PRKN: variants seen among roughly 807,000 people sequenced by gnomAD.
PRKN encodes the protein E3 ubiquitin-protein ligase parkin.
PRKN carries 56 observed loss-of-function variants against 59.5 expected under a neutral mutation model. That is an observed-to-expected ratio of 0.94 (90% CI 0.76 to 1.18). PRKN has a LOEUF of 1.18. PRKN is among the 50% of genes most tolerant of loss of function. PRKN has a pLI of 0.00. For synonymous variants in PRKN, 250 were observed against 222.1 expected (o/e 1.13, Z -1.12); for missense variants, 657 against 596.4 (o/e 1.10, Z -1.06).
intron 7 of PRKN, among the ~76,000 whole-genome samples, chr6:161,693,747 A>G (rs1195364781): frequency 1.3e-5 from 2 of 152,258 alleles, no homozygotes; most frequent in African/African-American, 4.8e-5. Flanking sequence ...TTTTGGAAAT[A>G]CTAATATACA....
At chr6:161,649,518 T>C (rs1287449820) in intron 7 of PRKN, among the ~76,000 whole-genome samples, 1 of 152,232 alleles carries the variant, frequency 6.6e-6, no homozygotes, top group Admixed American at 6.5e-5. Context: ...ATTTGGGACA[T>C]ACTTCTTAAG....
chr6:161,365,481 A>G (rs1785163181), intron 10 of PRKN, among the ~76,000 whole-genome samples: 1 of 152,238 alleles, frequency 6.6e-6, no homozygotes, highest in African/African-American at 2.4e-5. Flanking sequence ...CAAGAGAAAG[A>G]TTCAGAGCTC....
chr6:162,005,895 C>T (rs1041199376), intron 5 of PRKN, among the ~76,000 whole-genome samples: 1 of 151,504 alleles, frequency 6.6e-6, no homozygotes, highest in Non-Finnish European at 1.5e-5. Context: ...AATCTGAGTC[C>T]AACACTTGTA....
intron 6 of PRKN, among the ~76,000 whole-genome samples, chr6:161,827,933 TACTA>T (rs756003955): frequency 8.5e-5 from 13 of 152,258 alleles, no homozygotes; most frequent in Non-Finnish European, 1.3e-4. Context: ...CAACCAAGTT[TACTA>T]ACTGACTTTG....
intron 7 of PRKN, among the ~76,000 whole-genome samples, chr6:161,762,856 A>C (rs1229776200): frequency 6.6e-6 from 1 of 152,224 alleles, no homozygotes; most frequent in East Asian, 1.9e-4. Context: ...GTTTTCAATT[A>C]TCTTTCCTTT....
chr6:161,543,258 T>C (rs1349216826), intron 9 of PRKN, among the ~76,000 whole-genome samples: 1 of 152,236 alleles, frequency 6.6e-6, no homozygotes, highest in Non-Finnish European at 1.5e-5. Context: ...GCTGTTGTGA[T>C]AAGTCGTTCA....
At chr6:162,595,160 C>T (rs927607831) in intron 1 of PRKN, among the ~76,000 whole-genome samples, 5 of 152,044 alleles carry the variant, frequency 3.3e-5, no homozygotes, top group East Asian at 1.9e-4. Flanking sequence ...GGTAACAGAG[C>T]GAGATTCTGT....
intron 1 of PRKN, among the ~76,000 whole-genome samples, chr6:162,545,556 C>T (rs1381544269): frequency 6.6e-6 from 1 of 152,084 alleles, no homozygotes; most frequent in Non-Finnish European, 1.5e-5. Context: ...TTTAAGCATG[C>T]TTGATACAGC....
chr6:162,001,076 T>C (rs887707453), intron 5 of PRKN, among the ~76,000 whole-genome samples: 2 of 152,074 alleles, frequency 1.3e-5, no homozygotes, highest in African/African-American at 4.8e-5. Context: ...AATTGGATAG[T>C]GTCAGTCCTC....
intron 5 of PRKN, among the ~76,000 whole-genome samples, chr6:162,037,516 G>A (rs955239715): frequency 2.0e-5 from 3 of 151,950 alleles, no homozygotes; most frequent in African/African-American, 7.2e-5. Flanking sequence ...ATCTCCAGGC[G>A]GTTTGATTCA....
intron 7 of PRKN, among the ~76,000 whole-genome samples, chr6:161,616,450 T>C (rs371828166): frequency 6.6e-6 from 1 of 151,852 alleles, no homozygotes; most frequent in African/African-American, 2.4e-5. Flanking sequence ...CTGGGATACA[T>C]GTGCAGAACA....
chr6:162,139,424 G>A (rs1583089164), intron 4 of PRKN, among the ~76,000 whole-genome samples: 1 of 152,144 alleles, frequency 6.6e-6, no homozygotes, highest in East Asian at 1.9e-4. Flanking sequence ...AACAAGTGAC[G>A]TGACACAGAA....
chr6:162,406,704 C>CTA (rs1788091458), intron 2 of PRKN, among the ~76,000 whole-genome samples: 1 of 152,158 alleles, frequency 6.6e-6, no homozygotes, highest in Non-Finnish European at 1.5e-5. Flanking sequence ...TAGGAGCGCA[C>CTA]TATCCACCAT....
chr6:162,472,066 C>T (rs1368787394), intron 1 of PRKN, among the ~76,000 whole-genome samples: 1 of 152,092 alleles, frequency 6.6e-6, no homozygotes, highest in Non-Finnish European at 1.5e-5. Context: ...CTGGGGAACG[C>T]TTTGTGGATG....
intron 6 of PRKN, among the ~76,000 whole-genome samples, chr6:161,950,755 A>T (rs979599923): frequency 4.6e-5 from 7 of 152,106 alleles, no homozygotes; most frequent in African/African-American, 1.7e-4. Flanking sequence ...TTAAATATTT[A>T]CACAAAATGC....
intron 2 of PRKN, among the ~76,000 whole-genome samples, chr6:162,335,323 T>A (rs1783791848): frequency 6.6e-6 from 1 of 152,144 alleles, no homozygotes; most frequent in Non-Finnish European, 1.5e-5. Flanking sequence ...ACTACAGGCA[T>A]GGGCCACTGC....
chr6:161,727,709 G>C (rs1216099224), intron 7 of PRKN, among the ~76,000 whole-genome samples: 1 of 152,150 alleles, frequency 6.6e-6, no homozygotes, highest in Non-Finnish European at 1.5e-5. Context: ...ACAGGCATCA[G>C]AACACAGGAC....
intron 3 of PRKN, chr6:162,262,311 T>G (rs1473576290): frequency 6.2e-6 from 4 of 649,222 alleles, no homozygotes; most frequent in Admixed American, 4.4e-5. Flanking sequence ...TTAATCTCAA[T>G]ATGAAAACCT....
rs576974301 is a variant in PRKN, at chr6:162,603,552, C to T, written c.7+124110G>A. Among the ~76,000 whole-genome samples, 16 of 152,308 alleles carry T rather than the reference C, an allele frequency of 1.1e-4. No homozygotes were observed. The East Asian group carries it at 2.1e-3, about 20-fold the overall frequency. On this transcript the variant is annotated intron_variant, in intron 1 of 11. Transcript: ENST00000366898. ...CCCCCAAAGCTGAAAATATTTACCA[C>T]GTATCCCTTACCAAAACACATGCAG...
Sources: gnomAD v4.1 joint callset for allele counts (sites outside exome capture counted in the v4.1 genomes callset) on GRCh38, gnomAD v4.1.1 for gene constraint, MANE v1.5 for transcripts, NCBI Gene and HGNC (gene_info 2026-07-23, HGNC 2026-07-21) for gene names.